Variants in NEGR1 observed in about 807,000 individuals in gnomAD.
The protein encoded by NEGR1 is IgLON family member 4.
In NEGR1, 10 loss-of-function variants were observed where a neutral mutation model predicts 40.9. That is an observed-to-expected ratio of 0.24 (90% CI 0.15 to 0.42). The LOEUF (loss-of-function observed/expected upper bound fraction) is 0.42. Among genes scored for constraint, NEGR1 ranks in the 10% least tolerant of loss-of-function variants. The probability of loss-of-function intolerance (pLI) is 1.00; values close to 1 mark genes in which losing one functional copy is unlikely to be tolerated. For missense variants in NEGR1, 352 were observed against 438.9 expected, an observed-to-expected ratio of 0.80 and a Z score of 1.77; for synonymous variants, 185 against 166.8, an observed-to-expected ratio of 1.11 and a Z score of -0.84.
chr1:71,556,075 ATTAC>A (rs2101474540), intron 6 of NEGR1, among the ~76,000 whole-genome samples: 1 of 151,560 alleles, frequency 6.6e-6, no homozygotes, highest in Non-Finnish European at 1.5e-5. Context: ...CTTAGAGAAT[ATTAC>A]TTAATATACC....
At chr1:71,669,644 T>G (rs1232084499) in intron 4 of NEGR1, among the ~76,000 whole-genome samples, 2 of 151,616 alleles carry the variant, frequency 1.3e-5, no homozygotes, top group African/African-American at 4.9e-5. Context: ...CACCATATAT[T>G]TTAATGCTAC....
intron 1 of NEGR1, among the ~76,000 whole-genome samples, chr1:72,091,504 C>G (rs1040270701): frequency 6.7e-6 from 1 of 149,924 alleles, no homozygotes; most frequent in Non-Finnish European, 1.5e-5. Flanking sequence ...ATGAGCTTGA[C>G]GTCTTCAAGT....
At chr1:72,208,693 G>T (rs1423602754) in intron 1 of NEGR1, among the ~76,000 whole-genome samples, 1 of 151,454 alleles carries the variant, frequency 6.6e-6, no homozygotes, top group Admixed American at 6.6e-5. Context: ...TTTCCTAAAG[G>T]CAACTTTATT....
intron 2 of NEGR1, among the ~76,000 whole-genome samples, chr1:71,853,586 AG>A (rs1014757321): frequency 5.3e-5 from 8 of 152,058 alleles, no homozygotes; most frequent in African/African-American, 1.9e-4. Flanking sequence ...GTTAAAAAAA[AG>A]GCAGAAATTA....
At chr1:71,708,900 G>A (rs893532682) in intron 3 of NEGR1, among the ~76,000 whole-genome samples, 14 of 152,126 alleles carry the variant, frequency 9.2e-5, no homozygotes, top group African/African-American at 3.4e-4. Context: ...TTCCTTCCAT[G>A]TCCCTGCAAA....
Position 71,399,353 on chromosome 1 carries a change from G to A in NEGR1, c.*8093C>T, listed in dbSNP as rs549414245. 2.6e-5 allele frequency: 4 copies of A among 151,256 alleles called. No individual in the cohort carries two copies. Among genetic ancestry groups the A allele is most frequent in the Non-Finnish European group, 5.9e-5 (4 of 67,876 alleles). The allele number at this position is 151,256 out of a possible 1,614,324, so 9.4% of individuals were successfully genotyped here. On this transcript the variant is annotated 3_prime_UTR_variant, in exon 7 of 7. Coordinates refer to ENST00000357731, the MANE Select transcript of NEGR1 (RefSeq NM_173808.3). ...GTAACACATTTCAAAGCATAATTTA[G>A]TTGTTTATCAACAAGAAAAATGTAT...
chr1:71,624,015 C>T (rs1252316585), intron 4 of NEGR1, among the ~76,000 whole-genome samples: 1 of 151,836 alleles, frequency 6.6e-6, no homozygotes, highest in Non-Finnish European at 1.5e-5. Context: ...CTCAGGAATA[C>T]ATACACATTT....
At chr1:72,056,667 A>G (rs1647113503) in intron 1 of NEGR1, among the ~76,000 whole-genome samples, 1 of 151,464 alleles carries the variant, frequency 6.6e-6, no homozygotes, top group Non-Finnish European at 1.5e-5. Context: ...TATTTTCACT[A>G]ATCTGTCCTC....
intron 4 of NEGR1, among the ~76,000 whole-genome samples, chr1:71,687,941 T>C (rs928718560): frequency 6.6e-6 from 1 of 152,160 alleles, no homozygotes; most frequent in African/African-American, 2.4e-5. Flanking sequence ...TTCAAATACA[T>C]ACATCTATAA....
At chr1:72,217,041 A>G (rs1207219916) in intron 1 of NEGR1, among the ~76,000 whole-genome samples, 1 of 151,726 alleles carries the variant, frequency 6.6e-6, no homozygotes, top group Non-Finnish European at 1.5e-5. Context: ...GGTTTCAACT[A>G]TATCTTCTAT....
intron 3 of NEGR1, among the ~76,000 whole-genome samples, chr1:71,761,072 A>G (rs1655924001): frequency 6.6e-6 from 1 of 152,104 alleles, no homozygotes; most frequent in Admixed American, 6.6e-5. Context: ...CTGTCTTAAG[A>G]CTCTATTTAA....
At chr1:72,126,313 T>C (rs994253532) in intron 1 of NEGR1, among the ~76,000 whole-genome samples, 16 of 152,152 alleles carry the variant, frequency 1.1e-4, no homozygotes, top group Non-Finnish European at 1.0e-4. Context: ...TACAAAAATA[T>C]GAACAATTGT....
At chr1:71,913,291 T>G (rs1319519481) in intron 2 of NEGR1, among the ~76,000 whole-genome samples, 3 of 152,066 alleles carry the variant, frequency 2.0e-5, no homozygotes, top group Non-Finnish European at 4.4e-5. Context: ...ATTTTTTTAT[T>G]TTTAGTAGTG....
intron 1 of NEGR1, among the ~76,000 whole-genome samples, chr1:72,065,815 C>A (rs1647258775): frequency 6.6e-6 from 1 of 152,064 alleles, no homozygotes; most frequent in Non-Finnish European, 1.5e-5. Flanking sequence ...ATGCTCACAG[C>A]ACCACTATGA....
intron 2 of NEGR1, among the ~76,000 whole-genome samples, chr1:71,888,247 C>G (rs1173633847): frequency 6.6e-6 from 1 of 152,138 alleles, no homozygotes; most frequent in African/African-American, 2.4e-5. Flanking sequence ...CTCCAGTCTA[C>G]AGCTCCCAGC....
chr1:72,132,839 T>C (rs552434640), intron 1 of NEGR1, among the ~76,000 whole-genome samples: 46 of 152,148 alleles, frequency 3.0e-4, no homozygotes, highest in Non-Finnish European at 6.2e-4. Context: ...AAAGATATAT[T>C]AGTAAAGTTA....
chr1:71,640,117 G>A (rs897916306), intron 4 of NEGR1, among the ~76,000 whole-genome samples: 4 of 152,004 alleles, frequency 2.6e-5, no homozygotes, highest in African/African-American at 9.7e-5. Flanking sequence ...TTTGCAATGT[G>A]AATGAACTGC....
At chr1:72,190,340 A>G (rs963733753) in intron 1 of NEGR1, among the ~76,000 whole-genome samples, 2 of 151,648 alleles carry the variant, frequency 1.3e-5, no homozygotes, top group Non-Finnish European at 3.0e-5. Flanking sequence ...AATATTTAGC[A>G]TAATAATTGT....
chr1:71,722,621 G>T (rs1483929115), intron 3 of NEGR1, among the ~76,000 whole-genome samples: 2 of 151,964 alleles, frequency 1.3e-5, no homozygotes, highest in African/African-American at 4.8e-5. Flanking sequence ...TTGTTAATTG[G>T]TCTTGGGCAA....
Sources: allele counts gnomAD v4.1 joint callset (sites outside exome capture counted in the v4.1 genomes callset), GRCh38; gene constraint gnomAD v4.1.1; transcripts MANE v1.5; gene names NCBI Gene and HGNC (gene_info 2026-07-23, HGNC 2026-07-21).